BABAM2: variants seen among roughly 807,000 people sequenced by gnomAD.
BABAM2 encodes the protein BRISC and BRCA1 A complex member 2, also known as BRISC and BRCA1-A complex member 2.
A neutral mutation model predicts 54.7 loss-of-function variants in BABAM2; 31 were observed. That is an observed-to-expected ratio of 0.57 (90% CI 0.43 to 0.77). The LOEUF is 0.77. Among genes scored for constraint, BABAM2 ranks in the 30% least tolerant of loss-of-function variants. The pLI, the probability that BABAM2 is intolerant of heterozygous loss-of-function variation, is 0.00. For synonymous variants in BABAM2, 167 were observed against 162.9 expected (o/e 1.03, Z -0.19); for missense variants, 364 against 455.8 (o/e 0.80, Z 1.83).
chr2:27,894,623 C>T lies in BABAM2; in HGVS notation c.67C>T (p.Arg23Trp), dbSNP rs749367639. The change falls in exon 2 of 12, where the codon CGG becomes TGG. Residue 23 changes from arginine (R) to tryptophan (W), a missense_variant. Transcript: ENST00000379624. ...MLSPFISSVV[R>W]NGKVGLDATN... ...CTCCCCTTTCATATCTAGCGTGGTC[C>T]GGAATGGAAAAGTGGGACTGGATGC... 3.8e-5 allele frequency: 61 copies of T among 1,613,832 alleles called. No homozygotes were observed. The Middle Eastern group carries it at 4.9e-4, about 13-fold the overall frequency.
chr2:27,897,057 T>TG (rs1665394986), intron 2 of BABAM2: 1 of 154,426 alleles, frequency 6.5e-6, no homozygotes, highest in South Asian at 2.0e-4. Flanking sequence ...CAGTGAATGG[T>TG]GCCCTTGTGT....
chr2:28,289,124 A>G (rs1687070991), intron 10 of BABAM2, among the ~76,000 whole-genome samples: 1 of 151,982 alleles, frequency 6.6e-6, no homozygotes, highest in Non-Finnish European at 1.5e-5. Context: ...AGATTCATAA[A>G]CACTACTCAA....
intron 8 of BABAM2, among the ~76,000 whole-genome samples, chr2:28,237,657 T>C (rs1367658793): frequency 1.3e-5 from 2 of 152,360 alleles, no homozygotes; most frequent in East Asian, 1.9e-4. Flanking sequence ...TTCCCAATTA[T>C]CCAGTGCATG....
At position 28,230,560 on chromosome 2, in the gene BABAM2, C is replaced by CAAAAA. The variant is rs35644487; in HGVS notation, c.681-6632_681-6628dup. On this transcript the variant is annotated intron_variant, in intron 7 of 11. Transcript: ENST00000379624. Reference sequence around the variant, plus strand: ...TGAAACTCCTTCCCTACTAAAAATACAAAAAAAAAAAAAATTAGCCAGGCA... The same window carrying CAAAAA: ...TGAAACTCCTTCCCTACTAAAAATACAAAAAAAAAAAAAAAAAAATTAGCCAGGCA... 4.3e-4 allele frequency among the ~76,000 whole-genome samples: 61 copies of CAAAAA among 142,312 alleles called. 1 individual carries two copies. The highest frequency in any genetic ancestry group is 7.2e-3 in the Middle Eastern group (2 of 278). 93.4% of individuals were successfully genotyped at this position (142,312 alleles called of 152,430 possible). A position where few individuals can be genotyped will look rare whatever the true frequency, so the allele number is the denominator to read the frequency against.
At chr2:28,016,479 C>G (rs1674824038) in intron 4 of BABAM2, 4 of 1,177,490 alleles carry the variant, frequency 3.4e-6, no homozygotes, top group African/African-American at 1.5e-5. Context: ...TCCCACTTGC[C>G]CATGGTGCTG....
chr2:27,970,455 T>A (rs763748773), intron 3 of BABAM2, among the ~76,000 whole-genome samples: 2 of 152,228 alleles, frequency 1.3e-5, no homozygotes, highest in Non-Finnish European at 2.9e-5. Flanking sequence ...TACTCACATG[T>A]ATATGTGTAT....
In BABAM2 at chr2:28,112,147, T is replaced by TTCTTTCTTTCTTTCTTTCTTTCTTTCCC. The variant is rs1558346715; in HGVS notation, c.571-17123_571-17122insCTTTCTTTCTTTCTTTCTTTCTTTCCCT. ...TTTCTTTCTTTCTTTCTTTCTTTCT[T>TTCTTTCTTTCTTTCTTTCTTTCTTTCCC]TACCTCCCTCCCTCCCTCCCTCCCT... On this transcript the variant is annotated intron_variant, in intron 6 of 11. Coordinates refer to ENST00000379624, the MANE Select transcript of BABAM2 (RefSeq NM_199191.3). 9.5e-4 allele frequency among the ~76,000 whole-genome samples: 5 copies of TTCTTTCTTTCTTTCTTTCTTTCTTTCCC among 5,246 alleles called. 2 individuals carry two copies. Among genetic ancestry groups the TTCTTTCTTTCTTTCTTTCTTTCTTTCCC allele is most frequent in the African/African-American group, 1.9e-3 (2 of 1,030 alleles). 3.4% of individuals were successfully genotyped at this position (5,246 alleles called of 152,430 possible).
chr2:28,233,110 C>T (rs1176285043), intron 7 of BABAM2: 3 of 412,622 alleles, frequency 7.3e-6, no homozygotes, highest in East Asian at 7.4e-5. Context: ...ACCTTCTCAT[C>T]AGAACAGCCC....
chr2:28,114,429 C>T (rs79022971), intron 6 of BABAM2, among the ~76,000 whole-genome samples: 3,289 of 152,216 alleles, frequency 0.022, 113 homozygotes, highest in African/African-American at 0.073. Context: ...CTGAGGAGTT[C>T]TTCATCCTTT....
At chr2:28,117,208 C>T (rs1290707713) in intron 6 of BABAM2, among the ~76,000 whole-genome samples, 1 of 152,196 alleles carries the variant, frequency 6.6e-6, no homozygotes, top group Admixed American at 6.5e-5. Flanking sequence ...GGTAAGGAGG[C>T]ATGCAGCTTA....
intron 10 of BABAM2, among the ~76,000 whole-genome samples, chr2:28,286,744 C>A (rs185735944): frequency 6.6e-6 from 1 of 152,156 alleles, no homozygotes; most frequent in Non-Finnish European, 1.5e-5. Flanking sequence ...GTGGTTGACA[C>A]CTCTGTTATA....
intron 6 of BABAM2, among the ~76,000 whole-genome samples, chr2:28,061,395 C>G (rs1468919269): frequency 1.3e-5 from 2 of 151,694 alleles, no homozygotes; most frequent in Non-Finnish European, 2.9e-5. Flanking sequence ...ACCATCCTGG[C>G]TAATACGGTG....
rs1175466098 is a variant in BABAM2 at position 28,338,689 on chromosome 2, T to C, written c.*176T>C. 1.5e-6 allele frequency: 1 copy of C among 661,364 alleles called. No individual in the cohort carries two copies. The highest frequency in any genetic ancestry group is 1.8e-5 in the African/African-American group (1 of 55,434). The allele number at this position is 661,364 out of a possible 1,614,324, so 41.0% of individuals were successfully genotyped here. ...CTGAAATCCAACTTGAGCTGGCTGG[T>C]GGTCCCTGGATCCTAGAGCCCTTCA... On this transcript the variant is annotated 3_prime_UTR_variant, in exon 12 of 12. Coordinates refer to ENST00000379624, the MANE Select transcript of BABAM2 (RefSeq NM_199191.3).
chr2:27,960,295 C>T (rs535026110), intron 3 of BABAM2, among the ~76,000 whole-genome samples: 4 of 152,210 alleles, frequency 2.6e-5, no homozygotes, highest in African/African-American at 7.2e-5. Context: ...CTTCCAAGCA[C>T]TATTTTGTGG....
intron 10 of BABAM2, among the ~76,000 whole-genome samples, chr2:28,256,026 G>T (rs910705669): frequency 6.6e-5 from 10 of 152,020 alleles, no homozygotes; most frequent in African/African-American, 2.2e-4. Context: ...GGTGAATTCC[G>T]TGGATCCATT....
chr2:27,909,176 C>G lies in BABAM2; in HGVS notation c.128+14492C>G, dbSNP rs1276870689. Among the ~76,000 whole-genome samples, 5 of 152,086 alleles carry G rather than the reference C, an allele frequency of 3.3e-5. No individual in the cohort carries two copies. In the South Asian group the frequency reaches 6.2e-4, roughly 19 times the overall value. ...CCTCCCACCTCAGCCTCTTGAGTAG[C>G]TGGGACCACAGGCATGTGCCACCAT... is the stretch of plus-strand genomic sequence containing the variant. On this transcript the variant is annotated intron_variant, in intron 2 of 11. Coordinates refer to ENST00000379624, the MANE Select transcript of BABAM2 (RefSeq NM_199191.3).
intron 10 of BABAM2, among the ~76,000 whole-genome samples, chr2:28,255,776 C>T (rs1377557670): frequency 6.6e-6 from 1 of 152,170 alleles, no homozygotes; most frequent in Non-Finnish European, 1.5e-5. Flanking sequence ...AGTAATCCTC[C>T]CACCTCAGCC....
chr2:28,020,028 A>G (rs1017012153), intron 4 of BABAM2, among the ~76,000 whole-genome samples: 2 of 152,228 alleles, frequency 1.3e-5, no homozygotes, highest in African/African-American at 4.8e-5. Flanking sequence ...AACTGCTTCA[A>G]CTGTGACCAC....
At position 28,125,241 on chromosome 2, in the gene BABAM2, C is replaced by A. The variant is rs763033240; in HGVS notation, c.571-4030C>A. On this transcript the variant is annotated intron_variant, in intron 6 of 11. Transcript: ENST00000379624. ...GCAGGCTTATACAAACTCACAGGTC[C>A]AAATGTGAATTGTTGCAAATATTTT... Among the ~76,000 whole-genome samples, 5 of 152,010 alleles carry A rather than the reference C, an allele frequency of 3.3e-5. No homozygotes were observed. The South Asian group carries it at 6.2e-4, about 19-fold the overall frequency.
Sources: gnomAD v4.1 joint callset for allele counts (sites outside exome capture counted in the v4.1 genomes callset) on GRCh38, gnomAD v4.1.1 for gene constraint, MANE v1.5 for transcripts, NCBI Gene and HGNC (gene_info 2026-07-23, HGNC 2026-07-21) for gene names.